The following DNAH2 variants were observed in gnomAD, a reference collection of about 807,000 sequenced individuals.
DNAH2 encodes the protein axonemal beta dynein heavy chain 2.
DNAH2 carries 323 observed loss-of-function variants against 523.5 expected under a neutral mutation model. The observed-to-expected ratio is 0.62, with a 90% CI of 0.56 to 0.68. The LOEUF (loss-of-function observed/expected upper bound fraction) is 0.68. DNAH2 is among the 30% of genes least tolerant of loss of function. The probability of loss-of-function intolerance (pLI) is 0.00; values close to 1 mark genes in which losing one functional copy is unlikely to be tolerated. For missense variants in DNAH2, 4,907 were observed against 5,701.5 expected, an observed-to-expected ratio of 0.86 and a Z score of 4.49; for synonymous variants, 2,093 against 2,177.4, an observed-to-expected ratio of 0.96 and a Z score of 1.08.
At chr17:7,779,560 G>A in intron 36 of DNAH2, 137 bp downstream of exon 36, 8 of 996,652 alleles carry the variant, frequency 8.0e-6, no homozygotes, top group Non-Finnish European at 1.2e-5. Context: ...ATAGCAAAGG[G>A]GAGAGAAGGA....
chr17:7,739,629 A>C lies in DNAH2; in HGVS notation c.1171-104A>C, dbSNP rs1304854758. 3.9e-6 allele frequency: 4 copies of C among 1,016,538 alleles called. No individual in the cohort carries two copies. The East Asian group carries it at 7.5e-5, about 19-fold the overall frequency. 63.0% of individuals were successfully genotyped at this position (1,016,538 alleles called of 1,614,324 possible). A position where few individuals can be genotyped will look rare whatever the true frequency, so the allele number is the denominator to read the frequency against. On this transcript the variant is annotated intron_variant, in intron 8 of 85. Coordinates refer to ENST00000572933, the MANE Select transcript of DNAH2 (RefSeq NM_020877.5). ...CTTCTTTTTTTTTTTTTCACTTGCC[A>C]TCACTCACAGTGATGTTTTTAGACA...
chr17:7,737,900 A>G (rs1196334929), intron 8 of DNAH2: 1 of 692,036 alleles, frequency 1.4e-6, no homozygotes, highest in Non-Finnish European at 2.6e-6. Flanking sequence ...GGGCAGGGGG[A>G]TGCAGAGAAG....
chr17:7,796,714 C>A, intron 50 of DNAH2, 62 bp downstream of exon 50: 1 of 1,548,082 alleles, frequency 6.5e-7, no homozygotes, highest in Non-Finnish European at 8.7e-7. Flanking sequence ...GCTTTCTCTT[C>A]TCAAACTAAG....
intron 74 of DNAH2, 60 bp downstream of exon 74, chr17:7,823,688 G>T (rs879187124): frequency 2.5e-6 from 4 of 1,591,192 alleles, no homozygotes; most frequent in Non-Finnish European, 3.4e-6. Context: ...GCCACATGCC[G>T]GCCCTTCCCA....
chr17:7,817,722 C>T lies in DNAH2; in HGVS notation c.10169+13C>T, dbSNP rs1210066510. ...CCCGAGGCAACAGGTGAGGGTGCTG[C>T]TGGGCGTGGGGGCGGTACGGGAGCA... On this transcript the variant is annotated intron_variant, in intron 66 of 85. Transcript: ENST00000572933. 1.2e-6 allele frequency: 2 copies of T among 1,614,022 alleles called. No individual in the cohort carries two copies. The highest frequency in any genetic ancestry group is 3.3e-5 in the Admixed American group (2 of 59,996).
intron 63 of DNAH2, among the ~76,000 whole-genome samples, chr17:7,812,394 G>T (rs1203852392): frequency 6.6e-6 from 1 of 152,068 alleles, no homozygotes; most frequent in African/African-American, 2.4e-5. Flanking sequence ...GGGGCCGGGG[G>T]ATTGCTTGAG....
intron 12 of DNAH2, among the ~76,000 whole-genome samples, chr17:7,749,720 G>A (rs1287432184): frequency 4.6e-5 from 7 of 152,148 alleles, no homozygotes. Context: ...TATTAGGCCA[G>A]GTGTGGTGGC....
In DNAH2 at chr17:7,777,557, G is replaced by C; in HGVS notation, c.5170G>C (p.Glu1724Gln). The change falls in exon 33 of 86, where the codon GAG (glutamate) becomes CAG (glutamine). Residue 1724 changes from glutamate to glutamine, a missense_variant. Glu to Gln is a conservative substitution (Grantham distance 29, BLOSUM62 2). Transcript: ENST00000572933. ...AGAAATTCATGCCCGGGATGTGTTG[G>C]AGAAGCTTTACAAGAGTGGCCTCAT... ...TIEIHARDVL[E>Q]KLYKSGLMDV... The C allele has an allele frequency of 1.9e-6, 3 of 1,614,182 alleles. No individual in the cohort carries two copies. The highest frequency in any genetic ancestry group is 1.3e-5 in the African/African-American group (1 of 75,034).
At chr17:7,749,849 G>T (rs2075635618) in intron 12 of DNAH2, among the ~76,000 whole-genome samples, 1 of 151,966 alleles carries the variant, frequency 6.6e-6, no homozygotes, top group African/African-American at 2.4e-5. Flanking sequence ...ACAAAAAATA[G>T]CTGGGCATGG....
chr17:7,735,835 C>T (rs1262453779), intron 7 of DNAH2, among the ~76,000 whole-genome samples: 1 of 152,100 alleles, frequency 6.6e-6, no homozygotes, highest in East Asian at 1.9e-4. Context: ...TCACTGCAAC[C>T]TCTGCCTCCT....
At chr17:7,764,627 A>G (rs2076103539) in intron 20 of DNAH2, among the ~76,000 whole-genome samples, 1 of 150,880 alleles carries the variant, frequency 6.6e-6, no homozygotes, top group Non-Finnish European at 1.5e-5. Flanking sequence ...CGCCTTGCTG[A>G]TTTTTGTATT....
At chr17:7,739,322 C>T (rs1254008099) in intron 8 of DNAH2, among the ~76,000 whole-genome samples, 3 of 152,148 alleles carry the variant, frequency 2.0e-5, no homozygotes, top group Non-Finnish European at 2.9e-5. Flanking sequence ...AGGAGAATCT[C>T]TTGAACCCGG....
chr17:7,786,892 C>T lies in DNAH2; in HGVS notation c.6467-5C>T. Reference sequence around the variant, plus strand: ...CGGTTTCCTCATCACCCACCATCTACTCAGATGAGAAACCCGACGAGAAGT... The same window carrying T: ...CGGTTTCCTCATCACCCACCATCTATTCAGATGAGAAACCCGACGAGAAGT... On this transcript the variant is annotated splice_region_variant and splice_polypyrimidine_tract_variant and intron_variant, in intron 41 of 85. Transcript: ENST00000572933. The surrounding 1 kb of genome is among the most constrained non-coding windows in gnomAD (Gnocchi z 7.5). The T allele has an allele frequency of 1.9e-6, 3 of 1,614,272 alleles. No homozygotes were observed. The highest frequency in any genetic ancestry group is 2.5e-6 in the Non-Finnish European group (3 of 1,180,056).
At chr17:7,764,660 T>C (rs1396929728) in intron 20 of DNAH2, among the ~76,000 whole-genome samples, 1 of 151,632 alleles carries the variant, frequency 6.6e-6, no homozygotes, top group Non-Finnish European at 1.5e-5. Flanking sequence ...GGGGGTCTCA[T>C]TTTGTTGCCC....
Position 7,776,954 on chromosome 17 carries a change from G to A in DNAH2, c.5058+65G>A, listed in dbSNP as rs1294355359. 8.9e-6 allele frequency: 12 copies of A among 1,354,754 alleles called. No individual in the cohort carries two copies. In the East Asian group the frequency reaches 2.8e-4, roughly 32 times the overall value. 83.9% of individuals were successfully genotyped at this position (1,354,754 alleles called of 1,614,324 possible). On this transcript the variant is annotated intron_variant, in intron 32 of 85. Transcript: ENST00000572933. The stretch of plus-strand genomic sequence containing the variant: ...GCACTTTGGGAGGCAGAGGTGGTAG[G>A]AGCCCACTCGCTTGAGCCCAGGAGT...
chr17:7,801,484 G>A (rs1299441509), intron 56 of DNAH2, 94 bp from the exon 57 acceptor site: 30 of 1,562,778 alleles, frequency 1.9e-5, no homozygotes, highest in Non-Finnish European at 2.4e-5. Context: ...GGCATTTTAG[G>A]TTCTTAGAAA....
intron 39 of DNAH2, 141 bp from the exon 40 acceptor site, chr17:7,785,983 G>A (rs964689034): frequency 2.5e-6 from 2 of 809,724 alleles, no homozygotes; most frequent in Admixed American, 2.7e-5. Flanking sequence ...TTCCCAATGA[G>A]TGAACAGAGC....
intron 13 of DNAH2, among the ~76,000 whole-genome samples, chr17:7,757,942 T>C (rs2075890820): frequency 6.6e-6 from 1 of 152,128 alleles, no homozygotes; most frequent in Admixed American, 6.6e-5. Flanking sequence ...CCTAATCACC[T>C]CCCAGAGGTC....
intron 11 of DNAH2, among the ~76,000 whole-genome samples, chr17:7,741,236 C>CTCTTTCTTTCTTTTTCTT (rs2075309827): frequency 1.2e-5 from 1 of 85,596 alleles, no homozygotes; most frequent in Non-Finnish European, 2.6e-5. Context: ...TTTTCTCTCT[C>CTCTTTCTTTCTTTTTCTT]TCTTTCTTTC....
Sources: gnomAD v4.1 joint callset for allele counts (sites outside exome capture counted in the v4.1 genomes callset) on GRCh38, gnomAD v4.1.1 for gene constraint, Gnocchi (gnomAD v3.1) non-coding constraint, MANE v1.5 for transcripts, NCBI Gene and HGNC (gene_info 2026-07-23, HGNC 2026-07-21) for gene names.